RNF150: variants seen among roughly 807,000 people sequenced by gnomAD.
RNF150 encodes ring finger protein 150.
Under a neutral mutation model 39.3 loss-of-function variants are expected in RNF150, and 24 were observed. The ratio of observed to expected loss-of-function variants is 0.61; its 90% CI spans 0.44 to 0.86. The LOEUF is 0.86. Ranked by LOEUF, RNF150 falls within the 40% of genes least tolerant of loss-of-function variation. RNF150 has a pLI of 0.00. For missense variants in RNF150, 502 were observed against 587.8 expected, an observed-to-expected ratio of 0.85 and a Z score of 1.51; for synonymous variants, 255 against 227.3, an observed-to-expected ratio of 1.12 and a Z score of -1.10.
intron 1 of RNF150, among the ~76,000 whole-genome samples, chr4:141,001,992 G>C (rs529461507): frequency 6.6e-6 from 1 of 152,008 alleles, no homozygotes; most frequent in African/African-American, 2.4e-5. Flanking sequence ...CATTTGTGGA[G>C]TAATCAGTTT....
intron 6 of RNF150, among the ~76,000 whole-genome samples, chr4:140,910,035 G>A (rs149631006): frequency 0.015 from 2,232 of 152,242 alleles, 22 homozygotes; most frequent in Non-Finnish European, 0.021. Flanking sequence ...TTTCCAAGTA[G>A]TGGGGCCCTC....
At chr4:141,038,062 T>A (rs1235386542) in intron 1 of RNF150, among the ~76,000 whole-genome samples, 1 of 152,228 alleles carries the variant, frequency 6.6e-6, no homozygotes, top group African/African-American at 2.4e-5. Flanking sequence ...CCATTTTGCA[T>A]TCCCACTCTG....
At chr4:141,046,426 G>A (rs1013217961) in intron 1 of RNF150, among the ~76,000 whole-genome samples, 1 of 152,152 alleles carries the variant, frequency 6.6e-6, no homozygotes, top group African/African-American at 2.4e-5. Context: ...AGCATTCTAG[G>A]AAACACACAA....
At chr4:141,190,235 C>T (rs563437906) in intron 1 of RNF150, among the ~76,000 whole-genome samples, 2 of 152,334 alleles carry the variant, frequency 1.3e-5, no homozygotes, top group East Asian at 3.9e-4. Flanking sequence ...CTGCATTGGT[C>T]TCGCTGGTTG....
upstream of RNF150, among the ~76,000 whole-genome samples, chr4:141,137,481 A>G (rs1231544545): frequency 6.6e-6 from 1 of 152,200 alleles, no homozygotes; most frequent in Non-Finnish European, 1.5e-5. Context: ...GTAGTATGGA[A>G]GAAGAAGAGG....
At chr4:140,927,962 T>C (rs1578975934) in intron 4 of RNF150, among the ~76,000 whole-genome samples, 1 of 152,104 alleles carries the variant, frequency 6.6e-6, no homozygotes, top group East Asian at 1.9e-4. Flanking sequence ...CTCTATTTTC[T>C]TTATAAATTA....
chr4:141,114,312 G>A (rs1186017733), intron 1 of RNF150, among the ~76,000 whole-genome samples: 1 of 149,466 alleles, frequency 6.7e-6, no homozygotes, highest in Non-Finnish European at 1.5e-5. Context: ...ACACAAAAAT[G>A]ACGAGGATAT....
In RNF150 at chr4:140,967,791, C is replaced by T. The variant is rs1171976420; in HGVS notation, c.567G>A (p.Val189=). The T allele has an allele frequency of 6.2e-7, 1 of 1,613,386 alleles. No homozygotes were observed. The highest frequency in any genetic ancestry group is 8.5e-7 in the Non-Finnish European group (1 of 1,179,652). ...IVSLLERNIT[V]TMYITIGTRN... is the part of the protein sequence containing the mutation. ...GGGTTCCGATGGTGATGTACATTGT[C>T]ACGGTGATGTTTCTTTCCAGCAGGC... Residue 189 remains valine, a synonymous_variant, in exon 2 of 7, where the codon GTG becomes GTA. Coordinates refer to ENST00000515673, the MANE Select transcript of RNF150 (RefSeq NM_020724.2).
At chr4:141,019,908 A>G (rs1368168273) in intron 1 of RNF150, among the ~76,000 whole-genome samples, 2 of 152,120 alleles carry the variant, frequency 1.3e-5, no homozygotes, top group Non-Finnish European at 2.9e-5. Context: ...ATTACCCAGT[A>G]CACTCCTTGA....
chr4:140,866,511 T>A lies in RNF150; in HGVS notation c.*1750A>T, dbSNP rs1457316273. 3 of 152,176 alleles carry A rather than the reference T, an allele frequency of 2.0e-5. No individual in the cohort carries two copies. 9.4% of individuals were successfully genotyped at this position (152,176 alleles called of 1,614,324 possible). A position where few individuals can be genotyped will look rare whatever the true frequency, so the allele number is the denominator to read the frequency against. On this transcript the variant is annotated 3_prime_UTR_variant, in exon 7 of 7. Coordinates refer to ENST00000515673, the MANE Select transcript of RNF150 (RefSeq NM_020724.2). ...GGAGATGCAACCTTTCTGAGGGTAA[T>A]AATCATCTGCCTTGCCTTACTGTCT...
chr4:141,020,608 T>C (rs1457686267), intron 1 of RNF150, among the ~76,000 whole-genome samples: 2 of 152,200 alleles, frequency 1.3e-5, no homozygotes, highest in Non-Finnish European at 2.9e-5. Flanking sequence ...AAAAAGGCTA[T>C]GGGCATCTTC....
rs546850480 is a variant in RNF150, at chr4:141,040,478, T to C, written c.485-72605A>G. Among the ~76,000 whole-genome samples the C allele has an allele frequency of 1.4e-3, 216 of 152,306 alleles. 2 individuals carry two copies. Among genetic ancestry groups the C allele is most frequent in the African/African-American group, 5.0e-3 (207 of 41,570 alleles). On this transcript the variant is annotated intron_variant, in intron 1 of 6. Transcript: ENST00000515673. ...CTTGGAGATGGAAATAATAATATAC[T>C]TCTAACATTCTCTTTTATATATTTT...
At chr4:141,006,401 C>T (rs1268897374) in intron 1 of RNF150, among the ~76,000 whole-genome samples, 17 of 152,108 alleles carry the variant, frequency 1.1e-4, no homozygotes, top group Non-Finnish European at 1.6e-4. Context: ...ACTCTTCCTT[C>T]TGTGTGACAG....
intron 1 of RNF150, among the ~76,000 whole-genome samples, chr4:141,129,042 T>C (rs1726827149): frequency 6.6e-6 from 1 of 152,196 alleles, no homozygotes; most frequent in Non-Finnish European, 1.5e-5. Flanking sequence ...GATGCAGTTG[T>C]TTTGGAAAAC....
intron 1 of RNF150, among the ~76,000 whole-genome samples, chr4:141,000,024 A>G (rs1191123593): frequency 1.8e-4 from 5 of 28,272 alleles, no homozygotes; most frequent in Non-Finnish European, 3.3e-4. Context: ...GAAGAAGAAG[A>G]AGAAGAAGAA....
intron 4 of RNF150, among the ~76,000 whole-genome samples, chr4:140,940,369 C>T (rs1732033765): frequency 7.2e-6 from 1 of 139,650 alleles, no homozygotes. Context: ...TTATCACAGC[C>T]TTATTTATAA....
intron 1 of RNF150, among the ~76,000 whole-genome samples, chr4:141,061,075 C>T (rs962541531): frequency 8.6e-5 from 13 of 151,592 alleles, no homozygotes; most frequent in African/African-American, 2.7e-4. Flanking sequence ...CACCATGGCA[C>T]GTGTATACCT....
At chr4:141,041,812 T>A (rs903070803) in intron 1 of RNF150, among the ~76,000 whole-genome samples, 1 of 152,086 alleles carries the variant, frequency 6.6e-6, no homozygotes, top group Non-Finnish European at 1.5e-5. Context: ...AAAAGTAATA[T>A]ATGGGATCAA....
intron 1 of RNF150, among the ~76,000 whole-genome samples, chr4:141,017,254 G>C (rs948273227): frequency 6.6e-6 from 1 of 152,084 alleles, no homozygotes; most frequent in African/African-American, 2.4e-5. Context: ...TCCTACTTCT[G>C]TGAAAGGTAC....
Sources: allele counts gnomAD v4.1 joint callset (sites outside exome capture counted in the v4.1 genomes callset), GRCh38; gene constraint gnomAD v4.1.1; transcripts MANE v1.5; gene names NCBI Gene and HGNC (gene_info 2026-07-23, HGNC 2026-07-21).